Variants in SCARA5 observed in about 807,000 individuals in gnomAD.
SCARA5 encodes the protein scavenger receptor class A, member 5 (putative).
A neutral mutation model predicts 46.3 loss-of-function variants in SCARA5; 45 were observed. That is an observed-to-expected ratio of 0.97 (90% CI 0.76 to 1.24). The LOEUF (loss-of-function observed/expected upper bound fraction) is 1.24, where lower values mean the gene tolerates loss of function less well. SCARA5 is among the 50% of genes most tolerant of loss of function. The pLI is 0.00. For synonymous variants in SCARA5, 333 were observed against 306.5 expected, an observed-to-expected ratio of 1.09 and a Z score of -0.90; for missense variants, 680 against 689.0, an observed-to-expected ratio of 0.99 and a Z score of 0.15.
At position 27,958,663 on chromosome 8, in the gene SCARA5, G is replaced by C. The variant is rs1195779346; in HGVS notation, c.241+7751C>G. 3.3e-5 allele frequency among the ~76,000 whole-genome samples: 5 copies of C among 152,196 alleles called. No homozygotes were observed. The East Asian group carries it at 9.6e-4, about 29-fold the overall frequency. On this transcript the variant is annotated intron_variant, in intron 3 of 8. Transcript: ENST00000354914. ...AATAAATGACAGATGTCCAAGTCCAGAGCCAAACAGATCCAGCAGACTGCA... is the reference window on the plus strand; with the variant it reads ...AATAAATGACAGATGTCCAAGTCCACAGCCAAACAGATCCAGCAGACTGCA...
At chr8:27,877,281 T>G (rs567794540) in intron 8 of SCARA5, among the ~76,000 whole-genome samples, 121 of 152,254 alleles carry the variant, frequency 7.9e-4, no homozygotes, top group African/African-American at 2.6e-3. Flanking sequence ...TGAGACCTGT[T>G]AGGGCACCAT....
At chr8:27,933,211 GT>G (rs1358884279) in intron 3 of SCARA5, among the ~76,000 whole-genome samples, 1 of 152,172 alleles carries the variant, frequency 6.6e-6, no homozygotes, top group African/African-American at 2.4e-5. Flanking sequence ...ATATTAGACA[GT>G]GACAAGTGGT....
intron 7 of SCARA5, among the ~76,000 whole-genome samples, chr8:27,881,924 T>A (rs1021168555): frequency 6.6e-6 from 1 of 152,226 alleles, no homozygotes; most frequent in African/African-American, 2.4e-5. Context: ...GTGCTGCACA[T>A]GCGATGGGTT....
chr8:27,927,893 C>T (rs1200723422), intron 3 of SCARA5, among the ~76,000 whole-genome samples: 1 of 152,172 alleles, frequency 6.6e-6, no homozygotes, highest in African/African-American at 2.4e-5. Flanking sequence ...TTGTGAATTT[C>T]ACAGATATAA....
intron 4 of SCARA5, among the ~76,000 whole-genome samples, chr8:27,920,990 CA>C (rs1242883792): frequency 2.1e-5 from 3 of 145,090 alleles, no homozygotes; most frequent in Admixed American, 6.8e-5. Flanking sequence ...AAACAGAAAA[CA>C]AAAAAACAAA....
At chr8:27,877,001 A>G (rs904775416) in intron 8 of SCARA5, among the ~76,000 whole-genome samples, 4 of 152,122 alleles carry the variant, frequency 2.6e-5, no homozygotes, top group Non-Finnish European at 5.9e-5. Context: ...ACAGCATTAA[A>G]ACCCTTGGCA....
intron 2 of SCARA5, among the ~76,000 whole-genome samples, chr8:27,975,807 C>T (rs943601119): frequency 8.5e-5 from 13 of 152,144 alleles, no homozygotes; most frequent in African/African-American, 2.7e-4. Flanking sequence ...CGAGGGCACC[C>T]GGGGTAGGAG....
intron 8 of SCARA5, among the ~76,000 whole-genome samples, chr8:27,876,440 C>T (rs996429186): frequency 2.6e-5 from 4 of 152,080 alleles, no homozygotes; most frequent in Non-Finnish European, 5.9e-5. Flanking sequence ...ATCTGCAGGA[C>T]TCGGGGACCA....
chr8:27,914,246 A>C (rs1026252272), intron 4 of SCARA5, among the ~76,000 whole-genome samples: 6 of 152,172 alleles, frequency 3.9e-5, no homozygotes, highest in African/African-American at 1.4e-4. Context: ...GTGGACTGTG[A>C]GTCCATTAAA....
Position 27,870,790 on chromosome 8 carries a change from CT to C in SCARA5, c.*1143del, listed in dbSNP as rs1806626300. 1 of 152,236 alleles carries C rather than the reference CT, an allele frequency of 6.6e-6. No individual in the cohort carries two copies. Among genetic ancestry groups the C allele is most frequent in the Non-Finnish European group, 1.5e-5 (1 of 68,054 alleles). The allele number at this position is 152,236 out of a possible 1,614,324, so 9.4% of individuals were successfully genotyped here. ...TAGGGAATCTTCATTTCCTTCCCCC[CT>C]AAGGGTTCCATTAGGACTTGTGTTT... On this transcript the variant is annotated 3_prime_UTR_variant, in exon 9 of 9. Coordinates refer to ENST00000354914, the MANE Select transcript of SCARA5 (RefSeq NM_173833.6).
At position 27,966,394 on chromosome 8, in the gene SCARA5, C is replaced by A; in HGVS notation, c.241+20G>T. On this transcript the variant is annotated intron_variant, in intron 3 of 8. Coordinates refer to ENST00000354914, the MANE Select transcript of SCARA5 (RefSeq NM_173833.6). The stretch of plus-strand genomic sequence containing the variant: ...CCTTCCTCATCCCAAAAGACCAGGA[C>A]AAAAATGGCCTGCTCTTACCTGCTA... 6.3e-7 allele frequency: 1 copy of A among 1,583,632 alleles called. No individual in the cohort carries two copies. Among genetic ancestry groups the A allele is most frequent in the Admixed American group, 1.9e-5 (1 of 52,604 alleles).
At chr8:27,973,229 C>A (rs1585521792) in intron 2 of SCARA5, among the ~76,000 whole-genome samples, 2 of 152,234 alleles carry the variant, frequency 1.3e-5, no homozygotes, top group South Asian at 4.1e-4. Context: ...GTAATCACAG[C>A]ATTTTGGGAG....
chr8:27,941,354 T>A (rs1288235193), intron 3 of SCARA5, among the ~76,000 whole-genome samples: 1 of 152,214 alleles, frequency 6.6e-6, no homozygotes, highest in African/African-American at 2.4e-5. Context: ...CTACCCGCTA[T>A]GCTGATACAT....
intron 5 of SCARA5, among the ~76,000 whole-genome samples, chr8:27,907,572 C>CT (rs144977060): frequency 0.042 from 4,061 of 97,256 alleles, 396 homozygotes; most frequent in East Asian, 0.18. Flanking sequence ...TCAGCAAACA[C>CT]TTTTTTTTTT....
chr8:27,906,330 G>T (rs1358660142), intron 6 of SCARA5, among the ~76,000 whole-genome samples: 1 of 152,258 alleles, frequency 6.6e-6, no homozygotes, highest in Non-Finnish European at 1.5e-5. Context: ...AAGACAGACT[G>T]ACTGTAAAAG....
At chr8:27,978,622 G>T (rs569018051) in intron 2 of SCARA5, among the ~76,000 whole-genome samples, 1 of 152,038 alleles carries the variant, frequency 6.6e-6, no homozygotes, top group African/African-American at 2.4e-5. Flanking sequence ...AGATCCTCTG[G>T]CCTCAGCCTC....
At chr8:27,929,369 A>G (rs1807731668) in intron 3 of SCARA5, among the ~76,000 whole-genome samples, 1 of 152,038 alleles carries the variant, frequency 6.6e-6, no homozygotes, top group Admixed American at 6.6e-5. Context: ...CCCCCAATAC[A>G]TCAGGTGTCC....
intron 8 of SCARA5, among the ~76,000 whole-genome samples, chr8:27,872,428 AGG>A (rs919004103): frequency 1.3e-5 from 2 of 152,234 alleles, no homozygotes. Flanking sequence ...AAGAATGTCA[AGG>A]GAACATTTAA....
chr8:27,977,434 G>A (rs867433895), intron 2 of SCARA5, among the ~76,000 whole-genome samples: 12 of 152,164 alleles, frequency 7.9e-5, no homozygotes, highest in Non-Finnish European at 1.2e-4. Context: ...GACTCCCAGC[G>A]GATCAGCCGT....
Sources: gnomAD v4.1 joint callset for allele counts (sites outside exome capture counted in the v4.1 genomes callset) on GRCh38, gnomAD v4.1.1 for gene constraint, MANE v1.5 for transcripts, NCBI Gene and HGNC (gene_info 2026-07-23, HGNC 2026-07-21) for gene names.